The following SGO2 variants were observed in gnomAD, a reference collection of about 807,000 sequenced individuals.
The protein encoded by SGO2 is shugoshin 2, also known as shugoshin-like 2.
A neutral mutation model predicts 99.5 loss-of-function variants in SGO2; 68 were observed. That is an observed-to-expected ratio of 0.68 (90% confidence interval 0.56 to 0.84). The LOEUF (loss-of-function observed/expected upper bound fraction) is 0.84, where lower values mean the gene tolerates loss of function less well. Among genes scored for constraint, SGO2 ranks in the 40% least tolerant of loss-of-function variants. The pLI, the probability that SGO2 is intolerant of heterozygous loss-of-function variation, is 0.00. For synonymous variants in SGO2, 457 were observed against 487.1 expected, an observed-to-expected ratio of 0.94 and a Z score of 0.81; for missense variants, 1,350 against 1,436.7, an observed-to-expected ratio of 0.94 and a Z score of 0.97.
In SGO2 at chr2:200,583,677, T is replaced by C. The variant is rs2033909099; in HGVS notation, c.*213T>C. 1 of 353,738 alleles carries C rather than the reference T, an allele frequency of 2.8e-6. No homozygotes were observed. The highest frequency in any genetic ancestry group is 5.1e-6 in the Non-Finnish European group (1 of 197,122). The allele number at this position is 353,738 out of a possible 1,614,324, so 21.9% of individuals were successfully genotyped here. ...TGTAACATTAAACTTTTTGAGTCATTTTGGTCATCATATAACTTACCTTCC... is the reference window on the plus strand; with the variant it reads ...TGTAACATTAAACTTTTTGAGTCATCTTGGTCATCATATAACTTACCTTCC... On this transcript the variant is annotated 3_prime_UTR_variant, in exon 9 of 9. Coordinates refer to ENST00000357799, the MANE Select transcript of SGO2 (RefSeq NM_152524.6).
chr2:200,573,623 C>G lies in SGO2; in HGVS notation c.3277C>G (p.His1093Asp). Residue 1093 changes from histidine (H) to aspartate (D), a missense_variant, in exon 7 of 9, where the codon CAT (histidine) becomes GAT (aspartate). By Grantham distance (81) the His-to-Asp change is moderately conservative. Coordinates refer to ENST00000357799, the MANE Select transcript of SGO2 (RefSeq NM_152524.6). ...CTCCATAGATCCTTCTCCAGAGAGCCATGAAGTAATGGAAAGAATACTTGA... is the reference window on the plus strand; with the variant it reads ...CTCCATAGATCCTTCTCCAGAGAGCGATGAAGTAATGGAAAGAATACTTGA... ...KTSIDPSPES[H>D]EVMERILDSV... 2 of 1,612,472 alleles carry G rather than the reference C, an allele frequency of 1.2e-6. No homozygotes were observed. Among genetic ancestry groups the G allele is most frequent in the Non-Finnish European group, 1.7e-6 (2 of 1,179,322 alleles).
chr2:200,549,258 G>T (rs1401765605), intron 5 of SGO2, among the ~76,000 whole-genome samples: 1 of 151,970 alleles, frequency 6.6e-6, no homozygotes, highest in Non-Finnish European at 1.5e-5. Flanking sequence ...CTCCAGCTTT[G>T]GTGATGGAGC....
Position 200,572,091 on chromosome 2 carries a change from G to T in SGO2, c.1745G>T (p.Cys582Phe). 1 of 1,613,382 alleles carries T rather than the reference G, an allele frequency of 6.2e-7. No individual in the cohort carries two copies. The highest frequency in any genetic ancestry group is 8.5e-7 in the Non-Finnish European group (1 of 1,179,594). Residue 582 changes from cysteine (C) to phenylalanine (F), a missense_variant, in exon 7 of 9, where the codon TGT becomes TTT. Coordinates refer to ENST00000357799, the MANE Select transcript of SGO2 (RefSeq NM_152524.6). ...NLSTKDNGNLCDYGTHNILDL... is the reference protein window; with the variant it reads ...NLSTKDNGNLFDYGTHNILDL... ...TCCACCAAAGATAATGGAAATTTAT[G>T]TGATTATGGGACCCACAATATATTG...
At chr2:200,537,568 C>G (rs966990076) in intron 4 of SGO2, among the ~76,000 whole-genome samples, 1 of 152,160 alleles carries the variant, frequency 6.6e-6, no homozygotes, top group Non-Finnish European at 1.5e-5. Flanking sequence ...CTCTTCCTAC[C>G]TTTCTGGCTA....
rs1373128875 is a variant in SGO2 at position 200,571,037 on chromosome 2, C to T, written c.704-13C>T. ...TTACTTGTTTCTGAGTTTTGTTTTC[C>T]TTTTCTTAATAGAAAGCCATTCCCA... is the stretch of plus-strand genomic sequence containing the variant. On this transcript the variant is annotated splice_polypyrimidine_tract_variant and intron_variant, in intron 6 of 8. Coordinates refer to ENST00000357799, the MANE Select transcript of SGO2 (RefSeq NM_152524.6). 13 of 1,522,670 alleles carry T rather than the reference C, an allele frequency of 8.5e-6. No homozygotes were observed. The highest frequency in any genetic ancestry group is 2.3e-5 in the East Asian group (1 of 43,370). 94.3% of individuals were successfully genotyped at this position (1,522,670 alleles called of 1,614,324 possible).
intron 5 of SGO2, among the ~76,000 whole-genome samples, chr2:200,553,498 T>C (rs2032580318): frequency 6.6e-6 from 1 of 152,116 alleles, no homozygotes; most frequent in Non-Finnish European, 1.5e-5. Context: ...AGAAAAAAAC[T>C]CAAAAACAAC....
chr2:200,535,142 A>G lies in SGO2; in HGVS notation c.280A>G (p.Thr94Ala), dbSNP rs754537430. The G allele has an allele frequency of 7.8e-6, 12 of 1,532,132 alleles. No homozygotes were observed. In the Admixed American group the frequency reaches 2.0e-4, roughly 26 times the overall value. 94.9% of individuals were successfully genotyped at this position (1,532,132 alleles called of 1,614,324 possible). The change falls in exon 3 of 9, where the codon ACA becomes GCA. Residue 94 changes from threonine (T) to alanine (A), a missense_variant. By Grantham distance (58) the Thr-to-Ala change is moderately conservative. Transcript: ENST00000357799. ...AGTAGAGAAACTGAATTTTGAGAAC[A>G]CATTTCTTCGCCTAAAGCTAAATAA... ...KEVEKLNFEN[T>A]FLRLKLNNLN...
intron 5 of SGO2, among the ~76,000 whole-genome samples, chr2:200,568,073 C>T (rs1464345173): frequency 6.6e-6 from 1 of 152,186 alleles, no homozygotes; most frequent in Non-Finnish European, 1.5e-5. Flanking sequence ...TACATTCCCG[C>T]CAGCACAGTA....
At chr2:200,564,193 C>T (rs2033093985) in intron 5 of SGO2, among the ~76,000 whole-genome samples, 1 of 152,296 alleles carries the variant, frequency 6.6e-6, no homozygotes, top group Middle Eastern at 3.4e-3. Flanking sequence ...CTCTTGTGGG[C>T]ATTTAGTGCT....
At chr2:200,547,764 C>A (rs559675542) in intron 5 of SGO2, among the ~76,000 whole-genome samples, 2 of 152,148 alleles carry the variant, frequency 1.3e-5, no homozygotes, top group Non-Finnish European at 2.9e-5. Context: ...AAGAAACTCA[C>A]TTCACCTGCA....
Position 200,579,908 on chromosome 2 carries a change from A to G in SGO2, c.3783-3541A>G, listed in dbSNP as rs544644577. On this transcript the variant is annotated intron_variant, in intron 8 of 8. Transcript: ENST00000357799. ...CTTGGTTCCTTTAATGAAATAATTT[A>G]TATTTCATTATAATTTATAGTGCAT... 2.0e-5 allele frequency among the ~76,000 whole-genome samples: 3 copies of G among 152,254 alleles called. No homozygotes were observed. The East Asian group carries it at 5.8e-4, about 29-fold the overall frequency.
intron 5 of SGO2, among the ~76,000 whole-genome samples, chr2:200,567,041 G>C (rs2033219417): frequency 6.6e-6 from 1 of 152,276 alleles, no homozygotes; most frequent in African/African-American, 2.4e-5. Flanking sequence ...GCCTTGCAGT[G>C]CTTCAGTTCA....
rs185157062 is a variant in SGO2 at position 200,575,288 on chromosome 2, T to C, written c.3632-23T>C. The stretch of plus-strand genomic sequence containing the variant: ...CTCTATATACTTTTTAAAATATTTG[T>C]GAAAAATAATATTCTTTTTCAGGTG... On this transcript the variant is annotated intron_variant, in intron 7 of 8. Transcript: ENST00000357799. The C allele has an allele frequency of 1.0e-3, 1,551 of 1,486,930 alleles. 1 individual carries two copies. Among genetic ancestry groups the C allele is most frequent in the Non-Finnish European group, 1.3e-3 (1,437 of 1,096,526 alleles). The allele number at this position is 1,486,930 out of a possible 1,614,324, so 92.1% of individuals were successfully genotyped here.
chr2:200,583,380 T>A lies in SGO2; in HGVS notation c.3783-69T>A. ...TACTGATATGATGAAACAATTTTCT[T>A]CTCCATGCTTCACAGCAAAAGCATT... is the stretch of plus-strand genomic sequence containing the variant. On this transcript the variant is annotated intron_variant, in intron 8 of 8. Coordinates refer to ENST00000357799, the MANE Select transcript of SGO2 (RefSeq NM_152524.6). The A allele has an allele frequency of 2.2e-6, 3 of 1,368,198 alleles. No individual in the cohort carries two copies. The South Asian group carries it at 4.3e-5, about 20-fold the overall frequency. The allele number at this position is 1,368,198 out of a possible 1,614,324, so 84.8% of individuals were successfully genotyped here.
chr2:200,575,537 G>A, intron 8 of SGO2, 76 bp downstream of exon 8: 2 of 1,034,856 alleles, frequency 1.9e-6, no homozygotes, highest in South Asian at 3.9e-5. Context: ...ATTAGTATTT[G>A]AGCACTTCTG....
Position 200,571,290 on chromosome 2 carries a change from C to T in SGO2, c.944C>T (p.Thr315Ile). 6.2e-7 allele frequency: 1 copy of T among 1,613,120 alleles called. No homozygotes were observed. The highest frequency in any genetic ancestry group is 1.1e-5 in the South Asian group (1 of 91,008). The change falls in exon 7 of 9, where the codon ACT (threonine) becomes ATT (isoleucine). Residue 315 changes from threonine (T) to isoleucine (I), a missense_variant. By Grantham distance (89) the Thr-to-Ile change is moderately conservative (BLOSUM62 -1). Coordinates refer to ENST00000357799, the MANE Select transcript of SGO2 (RefSeq NM_152524.6). ...LNCNNEINGH[T>I]NETNTEMQRN... Reference sequence around the variant, plus strand: ...TGCAATAATGAGATAAATGGTCATACTAATGAAACAAATACTGAAATGCAA... The same window carrying T: ...TGCAATAATGAGATAAATGGTCATATTAATGAAACAAATACTGAAATGCAA...
rs1337663899 is a variant in SGO2 at position 200,571,164 on chromosome 2, G to C, written c.818G>C (p.Arg273Thr). The C allele has an allele frequency of 1.2e-6, 2 of 1,613,568 alleles. No individual in the cohort carries two copies. The highest frequency in any genetic ancestry group is 1.7e-6 in the Non-Finnish European group (2 of 1,179,704). The stretch of plus-strand genomic sequence containing the variant: ...CCATCTCCTAGTAATGTGACTGAAA[G>C]GAAGAAGCGTGGGTCATCTTGGGAA... ...EKPSPSNVTE[R>T]KKRGSSWESN... The change falls in exon 7 of 9, where the codon AGG becomes ACG. Residue 273 changes from arginine (R) to threonine (T), a missense_variant. Transcript: ENST00000357799.
At chr2:200,565,906 A>G (rs981810403) in intron 5 of SGO2, among the ~76,000 whole-genome samples, 1 of 152,212 alleles carries the variant, frequency 6.6e-6, no homozygotes, top group Non-Finnish European at 1.5e-5. Flanking sequence ...CATGGTTTTC[A>G]GCTCCATCAG....
chr2:200,571,003 T>C (rs2033392336), intron 6 of SGO2, 47 bp from the exon 7 acceptor site: 1 of 1,499,172 alleles, frequency 6.7e-7, no homozygotes, highest in Non-Finnish European at 8.9e-7. Context: ...AGGTAACTTA[T>C]TTATTTCATT....
Sources: allele counts gnomAD v4.1 joint callset (sites outside exome capture counted in the v4.1 genomes callset), GRCh38; gene constraint gnomAD v4.1.1; transcripts MANE v1.5; gene names NCBI Gene and HGNC (gene_info 2026-07-23, HGNC 2026-07-21).